Variants in CLCN5 observed in about 807,000 individuals in gnomAD.
The protein encoded by CLCN5 is H(+)/Cl(-) exchange transporter 5.
In CLCN5, 17 loss-of-function variants were observed where a neutral mutation model predicts 54.0. The ratio of observed to expected loss-of-function variants is 0.31; its 90% CI spans 0.22 to 0.47. The LOEUF is 0.47. Among genes scored for constraint, CLCN5 ranks in the 20% least tolerant of loss-of-function variants. The pLI, the probability that CLCN5 is intolerant of heterozygous loss-of-function variation, is 1.00. For synonymous variants in CLCN5, 222 were observed against 233.0 expected, an observed-to-expected ratio of 0.95 and a Z score of 0.43; for missense variants, 448 against 646.7, an observed-to-expected ratio of 0.69 and a Z score of 3.33.
intron 3 of CLCN5, among the ~76,000 whole-genome samples, chrX:50,017,276 C>A (rs1557183692): frequency 8.9e-6 from 1 of 111,939 alleles, no homozygotes; most frequent in African/African-American, 3.2e-5. Context: ...TACTCCATAT[C>A]CTCATCAACA....
chrX:49,934,259 GT>G (rs1276395766), intron 3 of CLCN5, among the ~76,000 whole-genome samples: 5 of 111,054 alleles, frequency 4.5e-5, no homozygotes, highest in African/African-American at 9.8e-5. Flanking sequence ...CTTCCAGGAT[GT>G]TTTTTTTCCC....
chrX:50,068,077 A>G (rs1933099151), intron 4 of CLCN5: 1 of 112,264 alleles, frequency 8.9e-6, no homozygotes, highest in African/African-American at 3.2e-5. Flanking sequence ...TTTTAAAATC[A>G]GTTTCACAAA....
At chrX:49,944,610 A>G (rs1367397614) in intron 3 of CLCN5, among the ~76,000 whole-genome samples, 2 of 111,942 alleles carry the variant, frequency 1.8e-5, no homozygotes, top group African/African-American at 6.5e-5. Flanking sequence ...AGTTTTTAGC[A>G]TGAAGGTTGT....
chrX:50,074,688 T>C (rs1192099156), intron 6 of CLCN5, among the ~76,000 whole-genome samples: 5 of 112,225 alleles, frequency 4.5e-5, no homozygotes, highest in Non-Finnish European at 9.4e-5. Flanking sequence ...AGGCATAATA[T>C]CCTCAACTTT....
At chrX:49,961,842 C>T (rs782795769) in intron 3 of CLCN5, among the ~76,000 whole-genome samples, 2 of 111,799 alleles carry the variant, frequency 1.8e-5, no homozygotes, top group South Asian at 3.8e-4. Flanking sequence ...GAATCTCCAG[C>T]GAAATCATTT....
intron 3 of CLCN5, among the ~76,000 whole-genome samples, chrX:50,003,763 C>T (rs1930005784): frequency 9.0e-6 from 1 of 111,289 alleles, no homozygotes. Context: ...CTTTCTCTTG[C>T]ACATGGTGCA....
chrX:49,943,653 C>T (rs782751469), intron 3 of CLCN5, among the ~76,000 whole-genome samples: 1 of 109,657 alleles, frequency 9.1e-6, no homozygotes, highest in South Asian at 3.9e-4. Flanking sequence ...CATTTATTAA[C>T]TAGGGAATCC....
At chrX:50,008,551 C>A (rs1462135525) in intron 3 of CLCN5, 1 of 338,025 alleles carries the variant, frequency 3.0e-6, no homozygotes, top group South Asian at 3.0e-5. Flanking sequence ...TTTCTGTCCT[C>A]CTATCATCCA....
chrX:49,936,088 G>C (rs1480799936), intron 3 of CLCN5, among the ~76,000 whole-genome samples: 3 of 111,501 alleles, frequency 2.7e-5, no homozygotes, highest in Non-Finnish European at 5.7e-5. Context: ...ATGAGATAAA[G>C]TATGCTAAGG....
intron 3 of CLCN5, among the ~76,000 whole-genome samples, chrX:49,962,070 A>C (rs782221516): frequency 2.7e-5 from 3 of 112,104 alleles, no homozygotes; most frequent in African/African-American, 9.7e-5. Context: ...TCAGTTTTCT[A>C]CCTAAGCTTT....
intron 3 of CLCN5, among the ~76,000 whole-genome samples, chrX:50,038,638 A>G (rs782248722): frequency 4.5e-5 from 5 of 112,062 alleles, no homozygotes; most frequent in African/African-American, 1.6e-4. Context: ...CCAAGTAGCA[A>G]TTACATATGG....
intron 3 of CLCN5, among the ~76,000 whole-genome samples, chrX:49,972,778 C>T (rs1438163605): frequency 7.2e-5 from 8 of 111,577 alleles, no homozygotes; most frequent in African/African-American, 2.6e-4. Context: ...TCATATAATT[C>T]TAAAAATTGT....
At chrX:50,013,583 CAT>C (rs370252053) in intron 3 of CLCN5, among the ~76,000 whole-genome samples, 5 of 112,103 alleles carry the variant, frequency 4.5e-5, no homozygotes, top group African/African-American at 1.6e-4. Context: ...TGCACACACA[CAT>C]GTGTAAGTGT....
At chrX:50,063,777 C>G (rs1174522354) in intron 4 of CLCN5, among the ~76,000 whole-genome samples, 2 of 110,462 alleles carry the variant, frequency 1.8e-5, no homozygotes, top group Admixed American at 1.9e-4. Context: ...ACTGGCAAAC[C>G]GAATCCAGCA....
intron 3 of CLCN5, among the ~76,000 whole-genome samples, chrX:50,037,544 G>A (rs1387524244): frequency 2.7e-5 from 3 of 111,572 alleles, no homozygotes; most frequent in African/African-American, 9.8e-5. Context: ...GGGTAAAGAA[G>A]GAATCTACAT....
At chrX:50,000,358 C>T (rs1165845483) in intron 3 of CLCN5, among the ~76,000 whole-genome samples, 1 of 109,907 alleles carries the variant, frequency 9.1e-6, no homozygotes, top group African/African-American at 3.3e-5. Context: ...TACAACCTCC[C>T]AATGCACACA....
chrX:50,053,198 A>G (rs1436718331), intron 4 of CLCN5, among the ~76,000 whole-genome samples: 1 of 111,820 alleles, frequency 8.9e-6, no homozygotes, highest in African/African-American at 3.2e-5. Context: ...TATTCAGTTA[A>G]TCAGTGAAAA....
At position 50,086,785 on chromosome X, in the gene CLCN5, G is replaced by A. The variant is rs1557194056; in HGVS notation, c.1472G>A (p.Gly491Asp). The A allele has an allele frequency of 8.3e-7, 1 of 1,209,081 alleles. No homozygotes were observed. Among genetic ancestry groups the A allele is most frequent in the East Asian group, 3.0e-5 (1 of 33,743 alleles). ...GGTGAACTGCCTGACAGACCGGCTG[G>A]CGTGGGAGTCTACAGTGCAATGTGG... ...KGGELPDRPA[G>D]VGVYSAMWQL... is the part of the protein sequence containing the mutation. Residue 491 changes from glycine (G) to aspartate (D), a missense_variant, in exon 11 of 15, where the codon GGC (glycine) becomes GAC (aspartate). This residue lies in a region of CLCN5 where 297 missense variants were observed against 470.4 expected (regional missense o/e 0.63). Transcript: ENST00000376091.
rs1418547314 is a variant in CLCN5, at chrX:49,949,050, A to G, written c.16+23736A>G. ...TGTTGTATTAATGAGGCTGTGTTGC[A>G]TAAGCAGTTACACACTGAAAATTGC... On this transcript the variant is annotated intron_variant, in intron 3 of 14. Coordinates refer to ENST00000376091, the MANE Select transcript of CLCN5 (RefSeq NM_001127898.4). Among the ~76,000 whole-genome samples the G allele has an allele frequency of 3.6e-5, 4 of 112,455 alleles. No homozygotes were observed. The Admixed American group carries it at 3.8e-4, about 11-fold the overall frequency.
Sources: gnomAD v4.1 joint callset for allele counts (sites outside exome capture counted in the v4.1 genomes callset) on GRCh38, gnomAD v4.1.1 for gene constraint, gnomAD v4.1.1 regional missense constraint, MANE v1.5 for transcripts, NCBI Gene and HGNC (gene_info 2026-07-23, HGNC 2026-07-21) for gene names.